The following CDH4 variants were observed in gnomAD, a reference collection of about 807,000 sequenced individuals.
The protein encoded by CDH4 is cadherin 4, also known as cadherin-4.
CDH4 carries 33 observed loss-of-function variants against 86.0 expected under a neutral mutation model. The observed-to-expected ratio is 0.38, with a 90% confidence interval of 0.29 to 0.51. The LOEUF (loss-of-function observed/expected upper bound fraction) is 0.51. Among genes scored for constraint, CDH4 ranks in the 20% least tolerant of loss-of-function variants. The pLI, the probability that CDH4 is intolerant of heterozygous loss-of-function variation, is 0.86. For missense variants in CDH4, 1,114 were observed against 1,307.4 expected (o/e 0.85, Z 2.28); for synonymous variants, 555 against 549.4 (o/e 1.01, Z -0.14).
intron 2 of CDH4, among the ~76,000 whole-genome samples, chr20:61,494,346 T>C (rs2085644812): frequency 6.6e-6 from 1 of 152,224 alleles, no homozygotes. Context: ...TAGAAAATCA[T>C]ATGCTGCTAT....
intron 3 of CDH4, among the ~76,000 whole-genome samples, chr20:61,756,241 T>G (rs2088563274): frequency 6.6e-6 from 1 of 151,794 alleles, no homozygotes; most frequent in African/African-American, 2.4e-5. Flanking sequence ...TGAGCTCCTC[T>G]CAACCCTGGC....
chr20:61,735,071 AGAGAGAGGGGTCGTG>A (rs2088245177), intron 2 of CDH4, among the ~76,000 whole-genome samples: 1 of 152,192 alleles, frequency 6.6e-6, no homozygotes, highest in East Asian at 1.9e-4. Context: ...GGGGCCAGAA[AGAGAGAGGGGTCGTG>A]GAGGAGGGAC....
rs2088601624 is a variant in CDH4 at position 61,759,092 on chromosome 20, GCA to G, written c.397-13905_397-13904del. ...TGCATATTTGTGCATGCATGTGTGCGCACACACGTCTATATACACACTTTGGG... is the reference window on the plus strand; with the variant it reads ...TGCATATTTGTGCATGCATGTGTGCGCACACGTCTATATACACACTTTGGG... On this transcript the variant is annotated intron_variant, in intron 3 of 15. Coordinates refer to ENST00000614565, the MANE Select transcript of CDH4 (RefSeq NM_001794.5). Among the ~76,000 whole-genome samples, 8 of 152,264 alleles carry G rather than the reference GCA, an allele frequency of 5.3e-5. No individual in the cohort carries two copies. In the South Asian group the frequency reaches 1.7e-3, roughly 32 times the overall value.
At position 61,565,198 on chromosome 20, in the gene CDH4, G is replaced by GTTGGTT. The variant is rs1568688333; in HGVS notation, c.170-178365_170-178364insTTGGTT. 6.3e-5 allele frequency among the ~76,000 whole-genome samples: 4 copies of GTTGGTT among 63,392 alleles called. 1 individual carries two copies. Among genetic ancestry groups the GTTGGTT allele is most frequent in the East Asian group, 7.4e-4 (2 of 2,688 alleles). 41.6% of individuals were successfully genotyped at this position (63,392 alleles called of 152,430 possible). A position where few individuals can be genotyped will look rare whatever the true frequency, so the allele number is the denominator to read the frequency against. On this transcript the variant is annotated intron_variant, in intron 2 of 15. Coordinates refer to ENST00000614565, the MANE Select transcript of CDH4 (RefSeq NM_001794.5). ...TGGTGGTGGTGGTGGTCCTCTTGGTGGTGGTCGCGGTGCTCTCGGTGGTAG... is the reference window on the plus strand; with the variant it reads ...TGGTGGTGGTGGTGGTCCTCTTGGTGTTGGTTGTGGTCGCGGTGCTCTCGGTGGTAG...
rs1390318787 is a variant in CDH4 at position 61,383,113 on chromosome 20, TA to T, written c.169+128177del. Among the ~76,000 whole-genome samples the T allele has an allele frequency of 5.0e-3, 400 of 80,472 alleles. 2 individuals are homozygous for T. Among genetic ancestry groups the T allele is most frequent in the African/African-American group, 7.2e-3 (121 of 16,824 alleles). The allele number at this position is 80,472 out of a possible 152,430, so 52.8% of individuals were successfully genotyped here. ...AATATATATATGAATATATTATATA[TA>T]GAATATATATGAATATATTATATAT... On this transcript the variant is annotated intron_variant, in intron 2 of 15. Transcript: ENST00000614565.
chr20:61,940,079 T>C lies in CDH4; in HGVS notation c.*3136T>C, dbSNP rs1290730069. ...GAGGGGTAGTCTCAATTTCTGTCAGTGCTCAAAGGAATAACACCAAAAGAA... is the reference window on the plus strand; with the variant it reads ...GAGGGGTAGTCTCAATTTCTGTCAGCGCTCAAAGGAATAACACCAAAAGAA... On this transcript the variant is annotated 3_prime_UTR_variant, in exon 16 of 16. Transcript: ENST00000614565. The C allele has an allele frequency of 1.3e-5, 2 of 152,194 alleles. No individual in the cohort carries two copies. The highest frequency in any genetic ancestry group is 6.5e-5 in the Admixed American group (1 of 15,280). The allele number at this position is 152,194 out of a possible 1,614,324, so 9.4% of individuals were successfully genotyped here.
Position 61,929,731 on chromosome 20 carries a change from G to C in CDH4, c.2128G>C (p.Val710Leu). The change falls in exon 13 of 16, where the codon GTG (valine) becomes CTG (leucine). Residue 710 changes from valine (V) to leucine (L), a missense_variant. Around this residue, in one of 3 missense-constraint regions of CDH4, gnomAD observed 705 missense variants for 914.1 expected, o/e 0.77. Coordinates refer to ENST00000614565, the MANE Select transcript of CDH4 (RefSeq NM_001794.5). ...LSNTSIIKVK[V>L]CPCDDNGDCT... Reference sequence around the variant, plus strand: ...CAACACGTCCATCATCAAAGTCAAGGTGTGCCCATGTGATGACAACGGGGA... The same window carrying C: ...CAACACGTCCATCATCAAAGTCAAGCTGTGCCCATGTGATGACAACGGGGA... 6.2e-7 allele frequency: 1 copy of C among 1,614,194 alleles called. No individual in the cohort carries two copies. Among genetic ancestry groups the C allele is most frequent in the South Asian group, 1.1e-5 (1 of 91,086 alleles).
intron 2 of CDH4, among the ~76,000 whole-genome samples, chr20:61,340,095 A>C (rs978163088): frequency 3.3e-5 from 5 of 152,246 alleles, no homozygotes; most frequent in African/African-American, 1.2e-4. Context: ...CCCATCATTT[A>C]AAACTTTGAA....
chr20:61,580,755 G>A (rs1350653466), intron 2 of CDH4, among the ~76,000 whole-genome samples: 7 of 152,176 alleles, frequency 4.6e-5, no homozygotes, highest in African/African-American at 1.2e-4. Context: ...TTGGGCGCAC[G>A]AAATGAGCCA....
chr20:61,632,111 A>G (rs1446017599), intron 2 of CDH4, among the ~76,000 whole-genome samples: 1 of 152,220 alleles, frequency 6.6e-6, no homozygotes, highest in Non-Finnish European at 1.5e-5. Context: ...TGCACAGCAC[A>G]CCGGGGCAGG....
In CDH4 at chr20:61,376,358, A is replaced by T. The variant is rs114191310; in HGVS notation, c.169+121421A>T. On this transcript the variant is annotated intron_variant, in intron 2 of 15. Coordinates refer to ENST00000614565, the MANE Select transcript of CDH4 (RefSeq NM_001794.5). ...GTGTTGTTGGGAAAGATCCCAGGGG[A>T]AGGAGGGCAAGAGGAGCCGGAGCCA... Among the ~76,000 whole-genome samples the T allele has an allele frequency of 1.6e-3, 249 of 151,896 alleles. 1 individual carries two copies. The highest frequency in any genetic ancestry group is 5.8e-3 in the African/African-American group (239 of 41,412).
chr20:61,827,206 C>CA (rs763275350), intron 4 of CDH4, among the ~76,000 whole-genome samples: 1 of 152,044 alleles, frequency 6.6e-6, no homozygotes, highest in Non-Finnish European at 1.5e-5. Flanking sequence ...AAATCAAAAG[C>CA]AAAAGGGAAT....
At chr20:61,543,492 TAACTC>T in intron 2 of CDH4, among the ~76,000 whole-genome samples, 1 of 152,260 alleles carries the variant, frequency 6.6e-6, no homozygotes, top group East Asian at 1.9e-4. Context: ...TAATGTCACT[TAACTC>T]TGCTAATCTC....
At chr20:61,402,856 G>C (rs1370082938) in intron 2 of CDH4, among the ~76,000 whole-genome samples, 1 of 152,180 alleles carries the variant, frequency 6.6e-6, no homozygotes, top group Non-Finnish European at 1.5e-5. Context: ...TTGTCCTTTT[G>C]TCACTAGGAT....
chr20:61,800,174 G>A (rs919630920), intron 4 of CDH4, among the ~76,000 whole-genome samples: 11 of 152,160 alleles, frequency 7.2e-5, no homozygotes, highest in Non-Finnish European at 1.0e-4. Context: ...GCAAGCGAGC[G>A]GCCTGCAGCC....
chr20:61,904,033 C>CG (rs1309640526), intron 8 of CDH4, among the ~76,000 whole-genome samples: 1 of 152,244 alleles, frequency 6.6e-6, no homozygotes, highest in Non-Finnish European at 1.5e-5. Flanking sequence ...TTGGAGGCAT[C>CG]TGAGTGGCCG....
intron 6 of CDH4, among the ~76,000 whole-genome samples, chr20:61,865,007 C>T (rs1273370649): frequency 6.6e-6 from 1 of 152,200 alleles, no homozygotes; most frequent in African/African-American, 2.4e-5. Context: ...TGCCTAAATC[C>T]ACCCCTGAGT....
chr20:61,778,060 G>A (rs565115145), intron 4 of CDH4, among the ~76,000 whole-genome samples: 6 of 152,244 alleles, frequency 3.9e-5, no homozygotes, highest in Non-Finnish European at 7.4e-5. Flanking sequence ...ACTCCTACAC[G>A]TTCATGTTTG....
chr20:61,904,099 C>T (rs950568519), intron 8 of CDH4, among the ~76,000 whole-genome samples: 3 of 152,268 alleles, frequency 2.0e-5, no homozygotes, highest in Admixed American at 6.5e-5. Context: ...CGGGGGACAG[C>T]AGCCAGTCCT....
Sources: gnomAD v4.1 joint callset for allele counts (sites outside exome capture counted in the v4.1 genomes callset) on GRCh38, gnomAD v4.1.1 for gene constraint, gnomAD v4.1.1 regional missense constraint, MANE v1.5 for transcripts, NCBI Gene and HGNC (gene_info 2026-07-23, HGNC 2026-07-21) for gene names.